The following EXOSC7 variants were observed in gnomAD, a reference collection of about 807,000 sequenced individuals.
EXOSC7 encodes exosome complex component RRP42.
A neutral mutation model predicts 34.3 loss-of-function variants in EXOSC7; 25 were observed. The ratio of observed to expected loss-of-function variants is 0.73; its 90% CI spans 0.53 to 1.02. EXOSC7 has a LOEUF of 1.02. EXOSC7 is among the 50% of genes least tolerant of loss of function. EXOSC7 has a pLI of 0.00. For missense variants in EXOSC7, 370 were observed against 368.5 expected (o/e 1.00, Z -0.03); for synonymous variants, 130 against 143.0 (o/e 0.91, Z 0.65).
chr3:44,977,657 A>G (rs1706129307), intron 1 of EXOSC7, among the ~76,000 whole-genome samples: 1 of 152,170 alleles, frequency 6.6e-6, no homozygotes, highest in Non-Finnish European at 1.5e-5. Flanking sequence ...GCAGTTAGAT[A>G]TGTCTTTCCC....
At chr3:44,982,610 T>TAG (rs1170471673) in intron 1 of EXOSC7, among the ~76,000 whole-genome samples, 2 of 152,208 alleles carry the variant, frequency 1.3e-5, no homozygotes, top group Non-Finnish European at 2.9e-5. Context: ...AAGCATTGTT[T>TAG]AGGGGTATAG....
chr3:44,995,588 A>G (rs566877688), intron 3 of EXOSC7, among the ~76,000 whole-genome samples: 1 of 152,302 alleles, frequency 6.6e-6, no homozygotes, highest in South Asian at 2.1e-4. Context: ...GTGCAAAGTA[A>G]AAACCTGGTC....
intron 1 of EXOSC7, among the ~76,000 whole-genome samples, chr3:44,981,462 C>T (rs1423623979): frequency 6.6e-6 from 1 of 152,122 alleles, no homozygotes; most frequent in Non-Finnish European, 1.5e-5. Context: ...AAAATGCTGG[C>T]TCCCTTTCAA....
At chr3:44,984,180 C>T (rs1165933554) in intron 1 of EXOSC7, among the ~76,000 whole-genome samples, 1 of 152,088 alleles carries the variant, frequency 6.6e-6, no homozygotes, top group Admixed American at 6.6e-5. Context: ...ATTTTAGAAG[C>T]AGTAGTTGGA....
intron 6 of EXOSC7, among the ~76,000 whole-genome samples, chr3:45,007,006 C>T (rs1004223092): frequency 7.2e-5 from 11 of 152,160 alleles, no homozygotes; most frequent in South Asian, 4.1e-4. Context: ...AGGCATGAGC[C>T]GCTGCGCCCA....
intron 7 of EXOSC7, among the ~76,000 whole-genome samples, chr3:45,009,047 C>T (rs962236828): frequency 1.3e-5 from 2 of 152,210 alleles, no homozygotes; most frequent in African/African-American, 4.8e-5. Context: ...CCTCCCTGCT[C>T]ATAAATACTG....
At chr3:44,986,796 T>G (rs1290384436) in intron 1 of EXOSC7, among the ~76,000 whole-genome samples, 1 of 152,232 alleles carries the variant, frequency 6.6e-6, no homozygotes, top group East Asian at 1.9e-4. Flanking sequence ...CAGAGGGTGA[T>G]CATTGGTACT....
Position 45,007,496 on chromosome 3 carries a change from C to A in EXOSC7, c.692C>A (p.Thr231Asn). Residue 231 changes from threonine (T) to asparagine (N), a missense_variant, in exon 7 of 8, where the codon ACC (threonine) becomes AAC (asparagine). Thr to Asn is a moderately conservative substitution (Grantham distance 65, BLOSUM62 0). Coordinates refer to ENST00000265564, the MANE Select transcript of EXOSC7 (RefSeq NM_015004.4). ...CSLASLLVSV[T>N]SKGVVTCMRK... The stretch of plus-strand genomic sequence containing the variant: ...CTGGCCAGCTTGCTGGTGTCGGTGA[C>A]CAGCAAGGGAGTTGTGACGTGCATG... 2 of 1,614,074 alleles carry A rather than the reference C, an allele frequency of 1.2e-6. No individual in the cohort carries two copies. The highest frequency in any genetic ancestry group is 8.5e-7 in the Non-Finnish European group (1 of 1,179,994).
At chr3:44,989,047 G>T in intron 1 of EXOSC7, 93 bp from the exon 2 acceptor site, 2 of 776,702 alleles carry the variant, frequency 2.6e-6, no homozygotes, top group Non-Finnish European at 4.4e-6. Context: ...GAGATATTCT[G>T]CATATATCTT....
chr3:45,006,727 C>A lies in EXOSC7; in HGVS notation c.616-693C>A, dbSNP rs567989862. Among the ~76,000 whole-genome samples, 3 of 152,128 alleles carry A rather than the reference C, an allele frequency of 2.0e-5. No homozygotes were observed. In the South Asian group the frequency reaches 6.2e-4, roughly 32 times the overall value. ...CACCGCGCCCGGCCTTGTTTTGAGA[C>A]AGTGTTGCTCTGTTGCCCAGGCTGG... On this transcript the variant is annotated intron_variant, in intron 6 of 7. Transcript: ENST00000265564.
chr3:44,990,071 C>G (rs1037137586), intron 3 of EXOSC7, among the ~76,000 whole-genome samples: 5 of 152,196 alleles, frequency 3.3e-5, no homozygotes, highest in African/African-American at 1.2e-4. Context: ...GTCAGCCAAG[C>G]AGCCTGACAG....
At chr3:44,997,668 T>G (rs1190389395) in intron 4 of EXOSC7, among the ~76,000 whole-genome samples, 1 of 152,242 alleles carries the variant, frequency 6.6e-6, no homozygotes, top group Admixed American at 6.5e-5. Flanking sequence ...AAATGGACAC[T>G]GTTATATTTC....
intron 3 of EXOSC7, among the ~76,000 whole-genome samples, chr3:44,993,621 A>ATT (rs776682100): frequency 6.6e-6 from 1 of 152,106 alleles, no homozygotes; most frequent in Non-Finnish European, 1.5e-5. Context: ...GATCTTAATT[A>ATT]GTTTATCCAG....
intron 1 of EXOSC7, chr3:44,977,134 G>A (rs1706087512): frequency 6.6e-6 from 1 of 152,232 alleles, no homozygotes; most frequent in Non-Finnish European, 1.5e-5. Context: ...TGTCCTCTGT[G>A]TTCTATATTA....
intron 3 of EXOSC7, 67 bp from the exon 4 acceptor site, chr3:44,997,020 A>T: frequency 1.3e-6 from 2 of 1,509,160 alleles, no homozygotes. Context: ...ACTGGAATAA[A>T]GCTTTGCCTC....
At chr3:45,008,895 G>C (rs1324777714) in intron 7 of EXOSC7, among the ~76,000 whole-genome samples, 1 of 152,206 alleles carries the variant, frequency 6.6e-6, no homozygotes, top group Non-Finnish European at 1.5e-5. Context: ...TATTGTGTGC[G>C]TACTATGTGC....
chr3:44,992,396 T>C (rs538463137), intron 3 of EXOSC7, among the ~76,000 whole-genome samples: 1 of 152,356 alleles, frequency 6.6e-6, no homozygotes, highest in Non-Finnish European at 1.5e-5. Context: ...AGAAAACTAA[T>C]TGATTTTCTG....
intron 6 of EXOSC7, among the ~76,000 whole-genome samples, chr3:45,006,561 C>T (rs1206078782): frequency 4.6e-5 from 7 of 150,720 alleles, no homozygotes; most frequent in African/African-American, 1.2e-4. Context: ...GGACTACAGG[C>T]GCCCGCCACC....
intron 1 of EXOSC7, among the ~76,000 whole-genome samples, chr3:44,987,904 A>T (rs761222071): frequency 6.6e-6 from 1 of 152,268 alleles, no homozygotes; most frequent in Non-Finnish European, 1.5e-5. Flanking sequence ...TTAGATTGGA[A>T]TTGATCTATC....
Sources: allele counts gnomAD v4.1 joint callset (sites outside exome capture counted in the v4.1 genomes callset), GRCh38; gene constraint gnomAD v4.1.1; transcripts MANE v1.5; gene names NCBI Gene and HGNC (gene_info 2026-07-23, HGNC 2026-07-21).